Variants in SIRPB1 observed in about 807,000 individuals in gnomAD.
SIRPB1 encodes the protein signal-regulatory protein beta-1.
A neutral mutation model predicts 34.1 loss-of-function variants in SIRPB1; 28 were observed. That is an observed-to-expected ratio of 0.82 (90% confidence interval 0.61 to 1.12). The LOEUF (loss-of-function observed/expected upper bound fraction) is 1.12. Among genes scored for constraint, SIRPB1 ranks in the 50% most tolerant of loss-of-function variants. The pLI is 0.00. For missense variants in SIRPB1, 499 were observed against 507.0 expected, an observed-to-expected ratio of 0.98 and a Z score of 0.15; for synonymous variants, 211 against 203.8, an observed-to-expected ratio of 1.04 and a Z score of -0.30.
At position 1,603,780 on chromosome 20, in the gene SIRPB1, A is replaced by C; in HGVS notation, c.76+16089T>G. The C allele has an allele frequency of 1.5e-5, 8 of 517,640 alleles. 3 individuals are homozygous for C. The highest frequency in any genetic ancestry group is 2.0e-5 in the Non-Finnish European group (8 of 391,730). The allele number at this position is 517,640 out of a possible 1,614,324, so 32.1% of individuals were successfully genotyped here. A position where few individuals can be genotyped will look rare whatever the true frequency, so the allele number is the denominator to read the frequency against. ...AATAATTTTAACATGAAAGAAAAAGATAAAATTTAAAAATTTGAAGTAACC... is the reference window on the plus strand; with the variant it reads ...AATAATTTTAACATGAAAGAAAAAGCTAAAATTTAAAAATTTGAAGTAACC... On this transcript the variant is annotated intron_variant, in intron 1 of 5. Coordinates refer to ENST00000381605, the MANE Select transcript of SIRPB1 (RefSeq NM_006065.5).
rs985344636 is a variant in SIRPB1 at position 1,562,741 on chromosome 20, G to T, written c.*2759C>A. Among the ~76,000 whole-genome samples, 1 of 152,126 alleles carries T rather than the reference G, an allele frequency of 6.6e-6. No individual in the cohort carries two copies. The highest frequency in any genetic ancestry group is 2.4e-5 in the African/African-American group (1 of 41,430). Reference sequence around the variant, plus strand: ...AGTCTGTTGGTGATTGGTCCCTATGGCTCTCCTACTCAAACAGCAAATCCT... The same window carrying T: ...AGTCTGTTGGTGATTGGTCCCTATGTCTCTCCTACTCAAACAGCAAATCCT... On this transcript the variant is annotated 3_prime_UTR_variant, in exon 6 of 6. Coordinates refer to ENST00000381605, the MANE Select transcript of SIRPB1 (RefSeq NM_006065.5).
chr20:1,565,210 A>G lies in SIRPB1; in HGVS notation c.*290T>C, dbSNP rs1034403645. The G allele has an allele frequency of 1.3e-5, 5 of 395,964 alleles. No homozygotes were observed. Among genetic ancestry groups the G allele is most frequent in the Non-Finnish European group, 2.2e-5 (5 of 225,080 alleles). The allele number at this position is 395,964 out of a possible 1,614,324, so 24.5% of individuals were successfully genotyped here. A position where few individuals can be genotyped will look rare whatever the true frequency, so the allele number is the denominator to read the frequency against. ...GTGGTTTATGGCCAGTCCCAAGGCGACGGATGGGAGAAGTCCTGGTGTGTT... is the reference window on the plus strand; with the variant it reads ...GTGGTTTATGGCCAGTCCCAAGGCGGCGGATGGGAGAAGTCCTGGTGTGTT... On this transcript the variant is annotated 3_prime_UTR_variant, in exon 6 of 6. Coordinates refer to ENST00000381605, the MANE Select transcript of SIRPB1 (RefSeq NM_006065.5).
In SIRPB1 at chr20:1,565,021, T is replaced by A. The variant is rs991714082; in HGVS notation, c.*479A>T. The A allele has an allele frequency of 5.0e-6, 2 of 398,426 alleles. No homozygotes were observed. The highest frequency in any genetic ancestry group is 4.4e-5 in the Admixed American group (1 of 22,712). The allele number at this position is 398,426 out of a possible 1,614,324, so 24.7% of individuals were successfully genotyped here. A position where few individuals can be genotyped will look rare whatever the true frequency, so the allele number is the denominator to read the frequency against. ...CTTCTTTCTTTTTGGGTTTGAGGGA[T>A]AGGATGCTTGGACAAAGAGGAAAGA... On this transcript the variant is annotated 3_prime_UTR_variant, in exon 6 of 6. Coordinates refer to ENST00000381605, the MANE Select transcript of SIRPB1 (RefSeq NM_006065.5).
chr20:1,576,222 C>T (rs1358886678), intron 2 of SIRPB1, among the ~76,000 whole-genome samples: 1 of 147,978 alleles, frequency 6.8e-6, no homozygotes, highest in African/African-American at 2.5e-5. Flanking sequence ...CCAATATTAT[C>T]TGCACAATCA....
intron 4 of SIRPB1, among the ~76,000 whole-genome samples, chr20:1,569,401 G>C (rs192252316): frequency 1.9e-3 from 292 of 152,336 alleles, no homozygotes; most frequent in African/African-American, 6.9e-3. Flanking sequence ...AAATTTAAGT[G>C]GACAATGACA....
Position 1,606,068 on chromosome 20 carries a change from C to A in SIRPB1, c.76+13801G>T, listed in dbSNP as rs544118201. The A allele has an allele frequency of 8.0e-4, 164 of 205,908 alleles. 55 individuals carry two copies. The highest frequency in any genetic ancestry group is 1.2e-3 in the Non-Finnish European group (136 of 109,368). The allele number at this position is 205,908 out of a possible 1,614,324, so 12.8% of individuals were successfully genotyped here. A position where few individuals can be genotyped will look rare whatever the true frequency, so the allele number is the denominator to read the frequency against. On this transcript the variant is annotated intron_variant, in intron 1 of 5. Coordinates refer to ENST00000381605, the MANE Select transcript of SIRPB1 (RefSeq NM_006065.5). ...AAAAAACCGGTCCTGTATTGCCATA[C>A]GGGACACTATTCAGGGTTTCACTGA...
At position 1,589,292 on chromosome 20, in the gene SIRPB1, T is replaced by G. The variant is rs558493048; in HGVS notation, c.77-10598A>C. 4.1e-5 allele frequency among the ~76,000 whole-genome samples: 2 copies of G among 48,834 alleles called. 1 individual carries two copies. Among genetic ancestry groups the G allele is most frequent in the South Asian group, 1.5e-3 (2 of 1,338 alleles). The allele number at this position is 48,834 out of a possible 152,430, so 32.0% of individuals were successfully genotyped here. A position where few individuals can be genotyped will look rare whatever the true frequency, so the allele number is the denominator to read the frequency against. ...TCCAGGAGAGGGAGTAGTTTTAGTT[T>G]AGTAAGGATCTGTTTTGTCGGGTGA... On this transcript the variant is annotated intron_variant, in intron 1 of 5. Coordinates refer to ENST00000381605, the MANE Select transcript of SIRPB1 (RefSeq NM_006065.5).
Position 1,592,402 on chromosome 20 carries a change from A to T in SIRPB1, c.77-13708T>A, listed in dbSNP as rs1438060601. 6.5e-5 allele frequency among the ~76,000 whole-genome samples: 3 copies of T among 46,434 alleles called. 1 individual carries two copies. The highest frequency in any genetic ancestry group is 1.2e-4 in the Non-Finnish European group (3 of 24,378). The allele number at this position is 46,434 out of a possible 152,430, so 30.5% of individuals were successfully genotyped here. A position where few individuals can be genotyped will look rare whatever the true frequency, so the allele number is the denominator to read the frequency against. ...ACCATGTTGGCCAGGCTGGTCTTGA[A>T]CTCCTGACCTCAGGTGATCCGCCCG... On this transcript the variant is annotated intron_variant, in intron 1 of 5. Transcript: ENST00000381605.
chr20:1,567,096 A>T (rs2253953), intron 4 of SIRPB1, among the ~76,000 whole-genome samples: 119,728 of 152,052 alleles, frequency 0.79, 47,460 homozygotes, highest in African/African-American at 0.86. Flanking sequence ...ATTAAAAAAA[A>T]TTTTTTTTAA....
At chr20:1,613,973 A>T (rs1431477472) in intron 1 of SIRPB1, among the ~76,000 whole-genome samples, 1 of 152,222 alleles carries the variant, frequency 6.6e-6, no homozygotes, top group Non-Finnish European at 1.5e-5. Context: ...ACTAAAGTCA[A>T]AGAGAGAATC....
Position 1,562,925 on chromosome 20 carries a change from T to A in SIRPB1, c.*2575A>T, listed in dbSNP as rs1156435236. Among the ~76,000 whole-genome samples, 1 of 152,184 alleles carries A rather than the reference T, an allele frequency of 6.6e-6. No individual in the cohort carries two copies. Among genetic ancestry groups the A allele is most frequent in the African/African-American group, 2.4e-5 (1 of 41,436 alleles). On this transcript the variant is annotated 3_prime_UTR_variant, in exon 6 of 6. Transcript: ENST00000381605. The stretch of plus-strand genomic sequence containing the variant: ...AGGTTCAAATTGAATGTGAGTGGAA[T>A]TCTAGAAGTACAAATAGTTGACTGT...
At position 1,590,470 on chromosome 20, in the gene SIRPB1, T is replaced by C. The variant is rs1309614465; in HGVS notation, c.77-11776A>G. ...CCCAGATATGGTGTCAAGCATTTTA[T>C]GTCAGTTACCTCATTAATTCATCAC... is the stretch of plus-strand genomic sequence containing the variant. On this transcript the variant is annotated intron_variant, in intron 1 of 5. Coordinates refer to ENST00000381605, the MANE Select transcript of SIRPB1 (RefSeq NM_006065.5). 1.8e-4 allele frequency among the ~76,000 whole-genome samples: 9 copies of C among 49,696 alleles called. 4 individuals carry two copies. In the East Asian group the frequency reaches 5.0e-3, roughly 28 times the overall value. The allele number at this position is 49,696 out of a possible 152,430, so 32.6% of individuals were successfully genotyped here.
rs1439302605 is a variant in SIRPB1, at chr20:1,585,132, G to T, written c.77-6438C>A. ...AAATGTATTAAAGACTTAAATGTAA[G>T]ATCTGAAACTGTAAAAGTACTAGAA... On this transcript the variant is annotated intron_variant, in intron 1 of 5. Transcript: ENST00000381605. Among the ~76,000 whole-genome samples the T allele has an allele frequency of 8.1e-5, 4 of 49,176 alleles. 2 individuals carry two copies. 32.3% of individuals were successfully genotyped at this position (49,176 alleles called of 152,430 possible).
chr20:1,578,733 C>T (rs964001982), intron 1 of SIRPB1, 39 bp from the exon 2 acceptor site: 1 of 1,463,778 alleles, frequency 6.8e-7, no homozygotes, highest in Non-Finnish European at 9.5e-7. Context: ...TTCATCCTTA[C>T]CTGATTCTCT....
intron 3 of SIRPB1, 99 bp downstream of exon 3, chr20:1,571,621 G>T (rs148454177): frequency 6.4e-7 from 1 of 1,554,918 alleles, no homozygotes; most frequent in East Asian, 2.3e-5. Context: ...AACACAGTTA[G>T]GAATTAGATT....
rs2091434553 is a variant in SIRPB1 at position 1,589,161 on chromosome 20, C to G, written c.77-10467G>C. Among the ~76,000 whole-genome samples, 2 of 49,074 alleles carry G rather than the reference C, an allele frequency of 4.1e-5. 1 individual carries two copies. The highest frequency in any genetic ancestry group is 2.7e-4 in the African/African-American group (2 of 7,400). 32.2% of individuals were successfully genotyped at this position (49,074 alleles called of 152,430 possible). A position where few individuals can be genotyped will look rare whatever the true frequency, so the allele number is the denominator to read the frequency against. On this transcript the variant is annotated intron_variant, in intron 1 of 5. Coordinates refer to ENST00000381605, the MANE Select transcript of SIRPB1 (RefSeq NM_006065.5). Reference sequence around the variant, plus strand: ...CTCTTGAAATGATTCCTTATTCAAACCTTTTAATGATATAACTGGCAAAAC... The same window carrying G: ...CTCTTGAAATGATTCCTTATTCAAAGCTTTTAATGATATAACTGGCAAAAC...
chr20:1,566,499 A>G (rs775789435), intron 4 of SIRPB1, among the ~76,000 whole-genome samples: 2 of 152,294 alleles, frequency 1.3e-5, no homozygotes, highest in Non-Finnish European at 2.9e-5. Context: ...TGGAGGGAAA[A>G]GGTGGAGAGA....
chr20:1,578,593 TC>T lies in SIRPB1; in HGVS notation c.177del (p.Ile60SerfsTer18). 1 of 1,584,042 alleles carries T rather than the reference TC, an allele frequency of 6.3e-7. No homozygotes were observed. Among genetic ancestry groups the T allele is most frequent in the Non-Finnish European group, 8.6e-7 (1 of 1,157,554 alleles). ...AACCACATGATGGGCCCCACAGGGA[TC>T]AGGGACGTCATAGCACAGCGCAGAG... The part of the protein sequence containing the change: ...SATLRCAMTS[L>X]IPVGPIMWFR... On this transcript the variant is annotated frameshift_variant, in exon 2 of 6. Coordinates refer to ENST00000381605, the MANE Select transcript of SIRPB1 (RefSeq NM_006065.5). LOFTEE classifies it high-confidence loss of function.
chr20:1,570,848 C>T lies in SIRPB1; in HGVS notation c.1041G>A (p.Glu347=). ...CGTGCTCCTTCTGGTGCGCTGAGAT[C>T]TCCAGGGCATAGCTTTTGCTGACTG... ...QQAVSKSYAL[E]ISAHQKEHGS... Residue 347 remains glutamate (E), a synonymous_variant, in exon 4 of 6, where the codon GAG becomes GAA. Coordinates refer to ENST00000381605, the MANE Select transcript of SIRPB1 (RefSeq NM_006065.5). 1 of 1,614,172 alleles carries T rather than the reference C, an allele frequency of 6.2e-7. No homozygotes were observed. The highest frequency in any genetic ancestry group is 8.5e-7 in the Non-Finnish European group (1 of 1,180,008).
Sources: allele counts gnomAD v4.1 joint callset (sites outside exome capture counted in the v4.1 genomes callset), GRCh38; gene constraint gnomAD v4.1.1; transcripts MANE v1.5; gene names NCBI Gene and HGNC (gene_info 2026-07-23, HGNC 2026-07-21).